GABRB1: variants seen among roughly 807,000 people sequenced by gnomAD.
The protein encoded by GABRB1 is gamma-aminobutyric acid receptor subunit beta-1.
A neutral mutation model predicts 51.6 loss-of-function variants in GABRB1; 17 were observed. The observed-to-expected ratio is 0.33, with a 90% CI of 0.23 to 0.49. GABRB1 has a LOEUF of 0.49. Among genes scored for constraint, GABRB1 ranks in the 20% least tolerant of loss-of-function variants. GABRB1 has a pLI of 0.99. For missense variants in GABRB1, 410 were observed against 600.6 expected, an observed-to-expected ratio of 0.68 and a Z score of 3.32; for synonymous variants, 247 against 218.9, an observed-to-expected ratio of 1.13 and a Z score of -1.14.
At chr4:47,049,334 C>T (rs1454458767) in intron 3 of GABRB1, among the ~76,000 whole-genome samples, 2 of 152,062 alleles carry the variant, frequency 1.3e-5, no homozygotes, top group South Asian at 4.2e-4. Context: ...CTAATGGGGC[C>T]GTACGTCAAC....
intron 4 of GABRB1, among the ~76,000 whole-genome samples, chr4:47,308,439 G>A (rs1724547430): frequency 6.6e-6 from 1 of 151,998 alleles, no homozygotes; most frequent in South Asian, 2.1e-4. Flanking sequence ...TGGGAATTTT[G>A]CACAATTTAT....
intron 5 of GABRB1, among the ~76,000 whole-genome samples, chr4:47,321,187 A>G (rs979884749): frequency 4.6e-5 from 7 of 152,240 alleles, no homozygotes; most frequent in Admixed American, 3.3e-4. Flanking sequence ...CACTTAATGT[A>G]ATGTTAGAAA....
chr4:47,162,604 T>G (rs965202416), intron 4 of GABRB1, among the ~76,000 whole-genome samples: 1 of 152,046 alleles, frequency 6.6e-6, no homozygotes, highest in Non-Finnish European at 1.5e-5. Context: ...TTGAATACAT[T>G]TCATTTTACA....
At chr4:47,098,956 T>C (rs182655096) in intron 3 of GABRB1, among the ~76,000 whole-genome samples, 42 of 152,242 alleles carry the variant, frequency 2.8e-4, no homozygotes, top group African/African-American at 9.9e-4. Context: ...ATGTTATTCT[T>C]AGACAGCTCT....
At chr4:47,243,732 T>G (rs535651883) in intron 4 of GABRB1, among the ~76,000 whole-genome samples, 1 of 152,330 alleles carries the variant, frequency 6.6e-6, no homozygotes, top group South Asian at 2.1e-4. Context: ...CACATTGATT[T>G]TGTATCCTGA....
chr4:47,062,194 C>A (rs971529884), intron 3 of GABRB1, among the ~76,000 whole-genome samples: 8 of 152,040 alleles, frequency 5.3e-5, no homozygotes, highest in Non-Finnish European at 1.2e-4. Flanking sequence ...CCACGAAGAA[C>A]AGAGCTGAAA....
At chr4:47,236,134 C>T (rs1202887837) in intron 4 of GABRB1, among the ~76,000 whole-genome samples, 1 of 152,058 alleles carries the variant, frequency 6.6e-6, no homozygotes, top group Admixed American at 6.6e-5. Context: ...TTCTGAACAC[C>T]ATACTGTATT....
intron 3 of GABRB1, among the ~76,000 whole-genome samples, chr4:47,143,641 G>A (rs1273509782): frequency 2.0e-5 from 3 of 151,942 alleles, no homozygotes; most frequent in African/African-American, 7.2e-5. Flanking sequence ...AGCTGGATCA[G>A]ATTGATCCTG....
rs200988439 is a variant in GABRB1 at position 47,329,609 on chromosome 4, GCTCT to G, written c.544+9403_544+9406del. 1.4e-3 allele frequency among the ~76,000 whole-genome samples: 205 copies of G among 147,750 alleles called. 6 individuals carry two copies. The East Asian group carries it at 0.037, about 26-fold the overall frequency. ...CAATACTATTCCCTCTCTCTCTCTT[GCTCT>G]CTGTCTGTCTATATATCCCACATAT... On this transcript the variant is annotated intron_variant, in intron 5 of 8. Transcript: ENST00000295454.
At chr4:47,228,328 G>A (rs1721023200) in intron 4 of GABRB1, among the ~76,000 whole-genome samples, 1 of 151,972 alleles carries the variant, frequency 6.6e-6, no homozygotes, top group Non-Finnish European at 1.5e-5. Context: ...GGGTGGGTCA[G>A]GCATAAGATA....
At position 47,285,435 on chromosome 4, in the gene GABRB1, T is replaced by C. The variant is rs559463497; in HGVS notation, c.462-34692T>C. Among the ~76,000 whole-genome samples the C allele has an allele frequency of 6.6e-5, 10 of 152,372 alleles. No homozygotes were observed. The South Asian group carries it at 1.4e-3, about 22-fold the overall frequency. ...TTTAAAGTCAATTGTTACATTTTTA[T>C]ATAGAACGTACAATGAATTGTTTCA... On this transcript the variant is annotated intron_variant, in intron 4 of 8. Transcript: ENST00000295454.
chr4:47,425,395 A>ACG (rs1729237350), intron 8 of GABRB1, among the ~76,000 whole-genome samples: 3 of 150,412 alleles, frequency 2.0e-5, no homozygotes, highest in South Asian at 4.2e-4. Context: ...ACACACACAC[A>ACG]CACACACACA....
intron 4 of GABRB1, among the ~76,000 whole-genome samples, chr4:47,263,661 A>G (rs1408174135): frequency 1.3e-5 from 2 of 152,226 alleles, no homozygotes; most frequent in Non-Finnish European, 2.9e-5. Context: ...GACAAAACAA[A>G]CAAAAAGAAC....
intron 3 of GABRB1, among the ~76,000 whole-genome samples, chr4:47,159,083 C>T (rs1241342742): frequency 2.0e-5 from 3 of 150,906 alleles, no homozygotes; most frequent in Non-Finnish European, 4.4e-5. Context: ...TTGAGACCAG[C>T]CTGAGCAACA....
intron 5 of GABRB1, among the ~76,000 whole-genome samples, chr4:47,400,269 A>G (rs1370702315): frequency 1.3e-5 from 2 of 152,308 alleles, no homozygotes; most frequent in East Asian, 3.9e-4. Context: ...AAGTGTTCCT[A>G]TATTTTTACC....
At chr4:47,337,808 TAAAA>T (rs1170540924) in intron 5 of GABRB1, among the ~76,000 whole-genome samples, 15 of 84,470 alleles carry the variant, frequency 1.8e-4, no homozygotes, top group African/African-American at 4.7e-4. Context: ...AGACTCTGTC[TAAAA>T]AAAAAAAAAA....
At chr4:47,326,186 C>A (rs1362968730) in intron 5 of GABRB1, among the ~76,000 whole-genome samples, 3 of 152,208 alleles carry the variant, frequency 2.0e-5, no homozygotes. Context: ...ATCATTGACA[C>A]CATCTGCTCC....
intron 5 of GABRB1, among the ~76,000 whole-genome samples, chr4:47,331,846 G>A (rs916051108): frequency 7.2e-5 from 11 of 152,244 alleles, no homozygotes; most frequent in African/African-American, 2.2e-4. Flanking sequence ...GTAGTAACTA[G>A]CTTCAAGACA....
At chr4:47,279,620 A>G (rs1578058649) in intron 4 of GABRB1, among the ~76,000 whole-genome samples, 2 of 152,206 alleles carry the variant, frequency 1.3e-5, no homozygotes, top group African/African-American at 4.8e-5. Context: ...TATAATTGCT[A>G]TATCTTCTTG....
Sources: gnomAD v4.1 joint callset for allele counts (sites outside exome capture counted in the v4.1 genomes callset) on GRCh38, gnomAD v4.1.1 for gene constraint, MANE v1.5 for transcripts, NCBI Gene and HGNC (gene_info 2026-07-23, HGNC 2026-07-21) for gene names.